The following TOPBP1 variants were observed in gnomAD, a reference collection of about 807,000 sequenced individuals.
TOPBP1 encodes DNA topoisomerase II binding protein 1.
TOPBP1 carries 28 observed loss-of-function variants against 167.7 expected under a neutral mutation model. The observed-to-expected ratio is 0.17, with a 90% CI of 0.12 to 0.23. TOPBP1 has a LOEUF of 0.23. Among genes scored for constraint, TOPBP1 ranks in the 10% least tolerant of loss-of-function variants. TOPBP1 has a pLI of 1.00. For missense variants in TOPBP1, 1,554 were observed against 1,809.6 expected, an observed-to-expected ratio of 0.86 and a Z score of 2.56; for synonymous variants, 598 against 611.4, an observed-to-expected ratio of 0.98 and a Z score of 0.32.
At chr3:133,633,322 A>G (rs868695233) in intron 14 of TOPBP1, among the ~76,000 whole-genome samples, 2 of 152,094 alleles carry the variant, frequency 1.3e-5, no homozygotes, top group East Asian at 1.9e-4. Context: ...CCAATTTTCT[A>G]TTCTCACCTT....
At chr3:133,620,413 T>C (rs923076969) in intron 19 of TOPBP1, 66 bp from the exon 20 acceptor site, 5 of 1,520,598 alleles carry the variant, frequency 3.3e-6, no homozygotes, top group South Asian at 1.3e-5. Flanking sequence ...TTACATTAAC[T>C]ATTTTGTTTA....
At chr3:133,612,337 G>A in intron 24 of TOPBP1, 52 bp downstream of exon 24, 2 of 1,601,156 alleles carry the variant, frequency 1.2e-6, no homozygotes, top group Non-Finnish European at 1.7e-6. Context: ...ACTGCACCCG[G>A]TGGACACTTG....
intron 24 of TOPBP1, 140 bp downstream of exon 24, chr3:133,612,249 A>G (rs1934706472): frequency 2.4e-6 from 2 of 847,610 alleles, no homozygotes; most frequent in Admixed American, 5.5e-5. Context: ...CATGTTGGCC[A>G]GGCATGTCTC....
In TOPBP1 at chr3:133,620,045, A is replaced by G. The variant is rs1576288327; in HGVS notation, c.3371+110T>C. ...CTTTTACTGCATATTGGGGAAAAAA[A>G]GAAAAAAAAGCTAAATTAGGCCAAG... On this transcript the variant is annotated intron_variant, in intron 20 of 27. Coordinates refer to ENST00000260810, the MANE Select transcript of TOPBP1 (RefSeq NM_007027.4). The G allele has an allele frequency of 6.5e-6, 8 of 1,223,958 alleles. No homozygotes were observed. In the East Asian group the frequency reaches 2.1e-4, roughly 32 times the overall value. The allele number at this position is 1,223,958 out of a possible 1,614,324, so 75.8% of individuals were successfully genotyped here. A position where few individuals can be genotyped will look rare whatever the true frequency, so the allele number is the denominator to read the frequency against.
At chr3:133,643,690 A>T (rs1254251764) in intron 11 of TOPBP1, among the ~76,000 whole-genome samples, 1 of 151,398 alleles carries the variant, frequency 6.6e-6, no homozygotes, top group Non-Finnish European at 1.5e-5. Flanking sequence ...AATTCTTGGA[A>T]TGTTAAAAAA....
chr3:133,660,882 A>C (rs1349512079), intron 2 of TOPBP1, among the ~76,000 whole-genome samples, 162 bp downstream of exon 2: 2 of 152,226 alleles, frequency 1.3e-5, no homozygotes, highest in East Asian at 3.8e-4. Context: ...ATGTACTTAG[A>C]TCAATTCAAA....
chr3:133,611,204 G>T, intron 24 of TOPBP1, 63 bp from the exon 25 acceptor site: 1 of 1,492,398 alleles, frequency 6.7e-7, no homozygotes, highest in Non-Finnish European at 9.0e-7. Context: ...GCAACATACA[G>T]GGCTCCTCAA....
intron 23 of TOPBP1, among the ~76,000 whole-genome samples, chr3:133,616,288 T>A (rs1353979914): frequency 8.9e-6 from 1 of 112,890 alleles, no homozygotes; most frequent in African/African-American, 2.8e-5. Flanking sequence ...TCTCGCAAAT[T>A]TTTTTGTATT....
At position 133,656,153 on chromosome 3, in the gene TOPBP1, T is replaced by C. The variant is rs13071556; in HGVS notation, c.545+523A>G. 4.1e-3 allele frequency among the ~76,000 whole-genome samples: 615 copies of C among 151,758 alleles called. 4 individuals carry two copies. The highest frequency in any genetic ancestry group is 6.9e-3 in the Non-Finnish European group (468 of 67,952). ...AAGCTCCATGAGGGAAGTGACTATC[T>C]TGTTTTGCTTACTACATATACCTAA... On this transcript the variant is annotated intron_variant, in intron 5 of 27. Transcript: ENST00000260810.
intron 22 of TOPBP1, 69 bp from the exon 23 acceptor site, chr3:133,616,994 T>A: frequency 7.9e-7 from 1 of 1,259,606 alleles, no homozygotes; most frequent in Non-Finnish European, 1.1e-6. Context: ...TCTTTTATAG[T>A]GGTATTTTAC....
chr3:133,616,922 TA>T lies in TOPBP1; in HGVS notation c.3762del (p.Ile1255Ter). 6.7e-7 allele frequency: 1 copy of T among 1,492,224 alleles called. No homozygotes were observed. The highest frequency in any genetic ancestry group is 8.9e-7 in the Non-Finnish European group (1 of 1,119,984). The allele number at this position is 1,492,224 out of a possible 1,614,324, so 92.4% of individuals were successfully genotyped here. ...TCTTCATGAGTCTCCTCTATCGTTATAATCTGGAATGAAAGTTTTACTTTAG... is the reference window on the plus strand; with the variant it reads ...TCTTCATGAGTCTCCTCTATCGTTATATCTGGAATGAAAGTTTTACTTTAG... ...PPVAPHPREK[I>X]ITIEETHEEL... On this transcript the variant is annotated frameshift_variant and splice_region_variant, in exon 23 of 28. Transcript: ENST00000260810. LOFTEE classifies it high-confidence loss of function.
At position 133,638,141 on chromosome 3, in the gene TOPBP1, A is replaced by T; in HGVS notation, c.2255T>A (p.Ile752Lys). The change falls in exon 14 of 28, where the codon ATA becomes AAA. Residue 752 changes from isoleucine to lysine, a missense_variant. By Grantham distance (102) the Ile-to-Lys change is moderately radical. Coordinates refer to ENST00000260810, the MANE Select transcript of TOPBP1 (RefSeq NM_007027.4). ...TGAATTTAGATTGATTCCATTTGTT[A>T]TTTCTGTTTCCAAACTTCGTTCTAG... ...TKEERSLETE[I>K]TNGINLNSDT... The T allele has an allele frequency of 6.2e-7, 1 of 1,613,184 alleles. No individual in the cohort carries two copies. Among genetic ancestry groups the T allele is most frequent in the East Asian group, 2.2e-5 (1 of 44,872 alleles).
rs899333307 is a variant in TOPBP1 at position 133,607,301 on chromosome 3, A to C, written c.4425+1234T>G. Among the ~76,000 whole-genome samples the C allele has an allele frequency of 2.6e-5, 4 of 151,984 alleles. No homozygotes were observed. The East Asian group carries it at 7.8e-4, about 30-fold the overall frequency. On this transcript the variant is annotated intron_variant, in intron 27 of 27. Transcript: ENST00000260810. ...TGCTCAATCTGTATATTATTGGTGG[A>C]AAGTGTAAAATGGTAAAAATCCCTG...
intron 14 of TOPBP1, among the ~76,000 whole-genome samples, chr3:133,634,937 AAT>A (rs1271221659): frequency 1.3e-5 from 2 of 152,198 alleles, no homozygotes; most frequent in African/African-American, 4.8e-5. Flanking sequence ...GGGTTGAAAA[AAT>A]ATATTTTCCC....
chr3:133,652,719 G>T, intron 7 of TOPBP1, 90 bp from the exon 8 acceptor site: 1 of 1,093,514 alleles, frequency 9.1e-7, no homozygotes, highest in Non-Finnish European at 1.3e-6. Context: ...ACAAATATAG[G>T]GCAATAAACA....
chr3:133,608,780 T>C, intron 26 of TOPBP1, 84 bp from the exon 27 acceptor site: 1 of 1,566,662 alleles, frequency 6.4e-7, no homozygotes, highest in African/African-American at 1.4e-5. Flanking sequence ...GGATTACCAT[T>C]TCAAAAAGTA....
intron 25 of TOPBP1, among the ~76,000 whole-genome samples, chr3:133,610,636 T>TAAAAAAAAAA (rs55877229): frequency 7.4e-6 from 1 of 135,394 alleles, no homozygotes; most frequent in African/African-American, 2.7e-5. Flanking sequence ...GATTAAAATT[T>TAAAAAAAAAA]AAAAAAAAAA....
chr3:133,635,309 A>G (rs957357600), intron 14 of TOPBP1, among the ~76,000 whole-genome samples: 1 of 152,152 alleles, frequency 6.6e-6, no homozygotes, highest in Non-Finnish European at 1.5e-5. Flanking sequence ...GCTGGAGTGC[A>G]GTGGTAGGAT....
At position 133,603,681 on chromosome 3, in the gene TOPBP1, TGA is replaced by T. The variant is rs1294028073; in HGVS notation, c.4426-2290_4426-2289del. Among the ~76,000 whole-genome samples, 97 of 149,130 alleles carry T rather than the reference TGA, an allele frequency of 6.5e-4. 3 individuals carry two copies. The highest frequency in any genetic ancestry group is 3.6e-3 in the Middle Eastern group (1 of 278). On this transcript the variant is annotated intron_variant, in intron 27 of 27. Transcript: ENST00000260810. ...TGGGTAAACAACTAGCAACAAAGTT[TGA>T]AATAAATGGGGTAAAAGCTGACAAA...
Sources: allele counts gnomAD v4.1 joint callset (sites outside exome capture counted in the v4.1 genomes callset), GRCh38; gene constraint gnomAD v4.1.1; transcripts MANE v1.5; gene names NCBI Gene and HGNC (gene_info 2026-07-23, HGNC 2026-07-21).